Variants in ZNF385D observed in about 807,000 individuals in gnomAD.
ZNF385D encodes zinc finger protein 659.
A neutral mutation model predicts 35.8 loss-of-function variants in ZNF385D; 15 were observed. The ratio of observed to expected loss-of-function variants is 0.42; its 90% CI spans 0.28 to 0.64. The LOEUF is 0.64. ZNF385D is among the 30% of genes least tolerant of loss of function. The pLI is 0.23. For missense variants in ZNF385D, 474 were observed against 494.6 expected (o/e 0.96, Z 0.39); for synonymous variants, 212 against 186.8 (o/e 1.13, Z -1.10).
At chr3:21,447,997 T>C (rs2125269448) in intron 4 of ZNF385D, among the ~76,000 whole-genome samples, 1 of 152,314 alleles carries the variant, frequency 6.6e-6, no homozygotes, top group East Asian at 1.9e-4. Context: ...TCAGGCATTT[T>C]GTTGTATGTG....
intron 3 of ZNF385D, among the ~76,000 whole-genome samples, chr3:21,914,587 G>A (rs996929784): frequency 6.6e-6 from 1 of 151,786 alleles, no homozygotes; most frequent in Non-Finnish European, 1.5e-5. Flanking sequence ...TTTAAATTAT[G>A]AACATTTCTA....
At chr3:21,657,019 T>G (rs1316990187) in intron 2 of ZNF385D, among the ~76,000 whole-genome samples, 1 of 151,880 alleles carries the variant, frequency 6.6e-6, no homozygotes, top group Non-Finnish European at 1.5e-5. Context: ...CTCATCTCAT[T>G]ATGATTAGGT....
rs1018879786 is a variant in ZNF385D at position 21,672,075 on chromosome 3, T to A, written c.23-7047A>T. Among the ~76,000 whole-genome samples the A allele has an allele frequency of 2.6e-5, 4 of 152,206 alleles. No individual in the cohort carries two copies. The East Asian group carries it at 7.8e-4, about 30-fold the overall frequency. ...ACAATGAGCAATTTTCCTGTTGGGA[T>A]TTTTTACTCTTTGTCCAGGAAAATT... On this transcript the variant is annotated intron_variant, in intron 1 of 7. Transcript: ENST00000281523.
At chr3:21,726,263 G>A (rs558842831) in intron 1 of ZNF385D, among the ~76,000 whole-genome samples, 15 of 152,158 alleles carry the variant, frequency 9.9e-5, no homozygotes, top group South Asian at 8.3e-4. Flanking sequence ...TTTGAAAACC[G>A]GCATAAGACA....
rs1158159761 is a variant in ZNF385D at position 21,883,155 on chromosome 3, TC to T, written c.326-218128del. ...CAGATAAGACTATTATCTATTTTGT[TC>T]AAAGTTATGACAATGTCTTGGTAGC... On this transcript the variant is annotated intron_variant, in intron 3 of 5. Coordinates refer to the ZNF385D transcript ENST00000494108. 3.3e-5 allele frequency among the ~76,000 whole-genome samples: 5 copies of T among 151,954 alleles called. No homozygotes were observed. The East Asian group carries it at 9.7e-4, about 29-fold the overall frequency.
At chr3:21,542,785 ATCG>A (rs1165292738) in intron 3 of ZNF385D, 1 of 152,234 alleles carries the variant, frequency 6.6e-6, no homozygotes, top group Non-Finnish European at 1.5e-5. Flanking sequence ...GGAAGCCTCG[ATCG>A]GGGAACTCTG....
chr3:21,758,975 CAAAAAAA>C (rs58450064), intron 3 of ZNF385D, among the ~76,000 whole-genome samples: 21 of 29,220 alleles, frequency 7.2e-4, no homozygotes, highest in African/African-American at 2.8e-3. Flanking sequence ...TCATCACTGG[CAAAAAAA>C]AAAAAAAAAA....
chr3:22,141,478 T>C (rs1704500159), intron 3 of ZNF385D, among the ~76,000 whole-genome samples: 1 of 152,196 alleles, frequency 6.6e-6, no homozygotes, highest in Non-Finnish European at 1.5e-5. Flanking sequence ...GAAGGAATCC[T>C]AGCTAAACTT....
chr3:21,424,752 C>G (rs144682270), intron 6 of ZNF385D, among the ~76,000 whole-genome samples: 1 of 140,042 alleles, frequency 7.1e-6, no homozygotes, highest in East Asian at 2.2e-4. Flanking sequence ...ATTTTACATG[C>G]AAATAAACAA....
chr3:21,999,979 G>C (rs750600146), intron 3 of ZNF385D, among the ~76,000 whole-genome samples: 2 of 152,030 alleles, frequency 1.3e-5, no homozygotes, highest in Non-Finnish European at 2.9e-5. Context: ...GACACAAGAA[G>C]CTCAAAAATC....
chr3:21,583,332 T>C (rs74736737), intron 2 of ZNF385D, among the ~76,000 whole-genome samples: 2,143 of 152,308 alleles, frequency 0.014, 45 homozygotes, highest in African/African-American at 0.049. Flanking sequence ...ATACATTTTG[T>C]ATTTCCCATG....
At chr3:21,775,665 T>G (rs930045734) in intron 3 of ZNF385D, among the ~76,000 whole-genome samples, 4 of 151,886 alleles carry the variant, frequency 2.6e-5, no homozygotes, top group Admixed American at 6.6e-5. Flanking sequence ...AGATGTTTGT[T>G]GTTTTTGTAT....
At chr3:21,753,980 T>G (rs2070226473), upstream of ZNF385D, among the ~76,000 whole-genome samples, 1 of 152,202 alleles carries the variant, frequency 6.6e-6, no homozygotes, top group Non-Finnish European at 1.5e-5. Flanking sequence ...GACAACAATG[T>G]CCTCCAGGTT....
intron 4 of ZNF385D, among the ~76,000 whole-genome samples, chr3:21,499,473 T>A (rs1359684553): frequency 6.6e-6 from 1 of 152,026 alleles, no homozygotes; most frequent in African/African-American, 2.4e-5. Flanking sequence ...CACCAGGGCC[T>A]ATTTGAGATT....
intron 3 of ZNF385D, among the ~76,000 whole-genome samples, chr3:22,061,058 C>T (rs1313654165): frequency 6.6e-6 from 1 of 151,838 alleles, no homozygotes; most frequent in Non-Finnish European, 1.5e-5. Context: ...TCTCTGAGGG[C>T]AGTATTAATA....
chr3:21,834,839 TA>T (rs1695228646), intron 3 of ZNF385D, among the ~76,000 whole-genome samples: 1 of 152,086 alleles, frequency 6.6e-6, no homozygotes, highest in African/African-American at 2.4e-5. Context: ...TCTGGTGGTT[TA>T]AAAGTGTGGT....
At chr3:21,725,904 T>A (rs1475298539) in intron 1 of ZNF385D, among the ~76,000 whole-genome samples, 1 of 152,174 alleles carries the variant, frequency 6.6e-6, no homozygotes, top group African/African-American at 2.4e-5. Context: ...ATATCCCTGA[T>A]AAATATTAAT....
chr3:21,765,712 C>T (rs369848919), intron 3 of ZNF385D, among the ~76,000 whole-genome samples: 4 of 132,710 alleles, frequency 3.0e-5, no homozygotes, highest in African/African-American at 1.0e-4. Context: ...CACGCACACA[C>T]ATACACACAC....
chr3:22,152,492 G>A (rs1335623244), intron 3 of ZNF385D, among the ~76,000 whole-genome samples: 1 of 152,108 alleles, frequency 6.6e-6, no homozygotes, highest in Non-Finnish European at 1.5e-5. Context: ...GAAGGTCTGT[G>A]TTCCTTCTGA....
Sources: allele counts gnomAD v4.1 joint callset (sites outside exome capture counted in the v4.1 genomes callset), GRCh38; gene constraint gnomAD v4.1.1; transcripts MANE v1.5; gene names NCBI Gene and HGNC (gene_info 2026-07-23, HGNC 2026-07-21).